The following RSU1 variants were observed in gnomAD, a reference collection of about 807,000 sequenced individuals.
RSU1 encodes the protein Ras suppressor protein 1, also known as rsu-1.
A neutral mutation model predicts 31.1 loss-of-function variants in RSU1; 26 were observed. That is an observed-to-expected ratio of 0.84 (90% CI 0.61 to 1.16). The LOEUF (loss-of-function observed/expected upper bound fraction) is 1.16. Among genes scored for constraint, RSU1 ranks in the 50% most tolerant of loss-of-function variants. RSU1 has a pLI of 0.00. For missense variants in RSU1, 320 were observed against 339.1 expected, an observed-to-expected ratio of 0.94 and a Z score of 0.44; for synonymous variants, 164 against 136.3, an observed-to-expected ratio of 1.20 and a Z score of -1.41.
intron 8 of RSU1, among the ~76,000 whole-genome samples, chr10:16,690,764 C>T (rs1031648039): frequency 5.3e-5 from 8 of 152,050 alleles, no homozygotes; most frequent in African/African-American, 7.2e-5. Flanking sequence ...GAAAACATTC[C>T]GGTAAGTTTT....
intron 3 of RSU1, among the ~76,000 whole-genome samples, chr10:16,778,656 G>GC (rs1018596044): frequency 6.6e-6 from 1 of 152,202 alleles, no homozygotes; most frequent in African/African-American, 2.4e-5. Flanking sequence ...CAGCCAGGGG[G>GC]CCCCCAGGGG....
At chr10:16,689,735 G>A (rs1410950811) in intron 8 of RSU1, among the ~76,000 whole-genome samples, 2 of 152,094 alleles carry the variant, frequency 1.3e-5, no homozygotes, top group East Asian at 3.9e-4. Context: ...TAATAGTATG[G>A]CTGGTCTTTC....
chr10:16,795,497 C>A (rs1470792642), intron 2 of RSU1, among the ~76,000 whole-genome samples: 1 of 151,980 alleles, frequency 6.6e-6, no homozygotes, highest in Non-Finnish European at 1.5e-5. Context: ...CCCTACAAGG[C>A]AATAGTAGTC....
At position 16,770,862 on chromosome 10, in the gene RSU1, T is replaced by C. The variant is rs188538551; in HGVS notation, c.161-6352A>G. ...CAGGAAGCAAAAGTGCCACCAATCC[T>C]TGGGCCAAAGAGTCCCCAAAGAAAC... On this transcript the variant is annotated intron_variant, in intron 3 of 8. Transcript: ENST00000345264. Among the ~76,000 whole-genome samples the C allele has an allele frequency of 8.2e-3, 1,250 of 151,744 alleles. 9 individuals carry two copies. The highest frequency in any genetic ancestry group is 0.014 in the Non-Finnish European group (924 of 67,996).
At chr10:16,718,303 T>C (rs1393179702) in intron 7 of RSU1, among the ~76,000 whole-genome samples, 1 of 151,918 alleles carries the variant, frequency 6.6e-6, no homozygotes, top group Non-Finnish European at 1.5e-5. Context: ...AAAATTGACA[T>C]CAAAAAAGGG....
rs200357784 is a variant in RSU1, at chr10:16,623,027, CT to C, written c.732-29532del. ...AAATCAAGAAAAAGTACATTCTAAT[CT>C]TTTTTTTTTCCCCCAACTTTCATTT... On this transcript the variant is annotated intron_variant, in intron 8 of 8. Coordinates refer to ENST00000345264, the MANE Select transcript of RSU1 (RefSeq NM_012425.4). Among the ~76,000 whole-genome samples the C allele has an allele frequency of 1.2e-3, 175 of 150,416 alleles. 1 individual carries two copies. The highest frequency in any genetic ancestry group is 1.5e-3 in the Non-Finnish European group (100 of 67,428).
chr10:16,791,544 G>A (rs1388345165), intron 2 of RSU1, among the ~76,000 whole-genome samples: 3 of 151,058 alleles, frequency 2.0e-5, no homozygotes, highest in Non-Finnish European at 4.4e-5. Context: ...CAGAAGAATT[G>A]CTTGAAACCA....
Position 16,591,374 on chromosome 10 carries a change from A to G in RSU1, c.*2020T>C, listed in dbSNP as rs1044463934. ...ATTGCAGTTTGTGGGGATCTCGGAT[A>G]ATTTCCTCAGGATACATTCCTAGAA... On this transcript the variant is annotated 3_prime_UTR_variant, in exon 9 of 9. Transcript: ENST00000345264. 6 of 150,978 alleles carry G rather than the reference A, an allele frequency of 4.0e-5. No individual in the cohort carries two copies. The highest frequency in any genetic ancestry group is 7.4e-5 in the Non-Finnish European group (5 of 67,584). The allele number at this position is 150,978 out of a possible 1,614,324, so 9.4% of individuals were successfully genotyped here.
chr10:16,671,914 C>T (rs950753930), intron 8 of RSU1, among the ~76,000 whole-genome samples: 1 of 151,660 alleles, frequency 6.6e-6, no homozygotes, highest in East Asian at 2.0e-4. Flanking sequence ...GCATGAGCCA[C>T]CATGCCCGGC....
At chr10:16,714,969 G>T (rs1836108465) in intron 7 of RSU1, among the ~76,000 whole-genome samples, 1 of 152,148 alleles carries the variant, frequency 6.6e-6, no homozygotes, top group Non-Finnish European at 1.5e-5. Flanking sequence ...GGTGGCAATG[G>T]GGACTGCTGG....
chr10:16,676,267 TCA>T (rs1377818753), intron 8 of RSU1, among the ~76,000 whole-genome samples: 1 of 152,224 alleles, frequency 6.6e-6, no homozygotes, highest in Non-Finnish European at 1.5e-5. Flanking sequence ...CTTAATGGAC[TCA>T]CAGTTCTGCA....
At chr10:16,608,171 T>G (rs939085750) in intron 8 of RSU1, among the ~76,000 whole-genome samples, 12 of 152,154 alleles carry the variant, frequency 7.9e-5, no homozygotes, top group Non-Finnish European at 1.8e-4. Context: ...TATTTTCCCC[T>G]CCTCCATCGC....
At chr10:16,724,648 C>T (rs1340267377) in intron 7 of RSU1, among the ~76,000 whole-genome samples, 1 of 152,164 alleles carries the variant, frequency 6.6e-6, no homozygotes. Context: ...AGTGACTTTA[C>T]TGTCCGAGAA....
intron 8 of RSU1, among the ~76,000 whole-genome samples, chr10:16,636,034 C>T (rs1196696026): frequency 6.6e-6 from 1 of 152,192 alleles, no homozygotes; most frequent in African/African-American, 2.4e-5. Context: ...CTGTGCTAGT[C>T]TCTTCTCTTG....
chr10:16,592,972 A>G lies in RSU1; in HGVS notation c.*422T>C. ...GTTAAATTAGCATATCTCGGTGGTG[A>G]AGGAAGACTTTTAATAAAGCAAAAT... On this transcript the variant is annotated 3_prime_UTR_variant, in exon 9 of 9. Coordinates refer to ENST00000345264, the MANE Select transcript of RSU1 (RefSeq NM_012425.4). 2 of 149,046 alleles carry G rather than the reference A, an allele frequency of 1.3e-5. No individual in the cohort carries two copies. Among genetic ancestry groups the G allele is most frequent in the Admixed American group, 6.6e-5 (1 of 15,056 alleles). 9.2% of individuals were successfully genotyped at this position (149,046 alleles called of 1,614,324 possible).
chr10:16,623,646 A>G (rs1162522896), intron 8 of RSU1, among the ~76,000 whole-genome samples: 1 of 152,206 alleles, frequency 6.6e-6, no homozygotes, highest in African/African-American at 2.4e-5. Context: ...CACCAGCAGT[A>G]TATAACCATT....
chr10:16,811,541 T>G (rs1356719383), intron 2 of RSU1, among the ~76,000 whole-genome samples: 1 of 151,934 alleles, frequency 6.6e-6, no homozygotes, highest in African/African-American at 2.4e-5. Flanking sequence ...AAAAGATGCT[T>G]ACAAAAAAGC....
chr10:16,801,141 C>T (rs192941986), intron 2 of RSU1, among the ~76,000 whole-genome samples: 35 of 148,432 alleles, frequency 2.4e-4, no homozygotes, highest in African/African-American at 8.6e-4. Flanking sequence ...TATGAGAAAT[C>T]CACTTTAAAT....
intron 4 of RSU1, among the ~76,000 whole-genome samples, chr10:16,758,981 G>A (rs1316464638): frequency 6.6e-6 from 1 of 152,178 alleles, no homozygotes; most frequent in Admixed American, 6.5e-5. Flanking sequence ...GCCTGCATAT[G>A]ATGGAGAAGT....
Sources: allele counts gnomAD v4.1 joint callset (sites outside exome capture counted in the v4.1 genomes callset), GRCh38; gene constraint gnomAD v4.1.1; transcripts MANE v1.5; gene names NCBI Gene and HGNC (gene_info 2026-07-23, HGNC 2026-07-21).